The following ASAH2B variants were observed in gnomAD, a reference collection of about 807,000 sequenced individuals.
ASAH2B encodes the protein putative inactive neutral ceramidase B.
ASAH2B carries 1 observed loss-of-function variant against 2.9 expected under a neutral mutation model. The ratio of observed to expected loss-of-function variants is 0.34; its 90% CI spans 0.12 to 1.63. The LOEUF (loss-of-function observed/expected upper bound fraction) is 1.63. Ranked by LOEUF, ASAH2B falls within the 40% of genes most tolerant of loss-of-function variation. The pLI is 0.36. For missense variants in ASAH2B, 9 were observed against 37.7 expected (o/e 0.24, Z 1.99); for synonymous variants, 4 against 13.3 (o/e 0.30, Z 1.52).
chr10:50,754,128 TATATATATATATAC>T (rs1414324564), intron 5 of ASAH2B, among the ~76,000 whole-genome samples: 1 of 146,668 alleles, frequency 6.8e-6, no homozygotes, highest in African/African-American at 2.5e-5. Flanking sequence ...ATTCATTTTC[TATATATATATATAC>T]ATATATATAT....
At chr10:50,740,162 C>T (rs966951746) in intron 1 of ASAH2B, among the ~76,000 whole-genome samples, 179 bp downstream of exon 1, 1 of 151,926 alleles carries the variant, frequency 6.6e-6, no homozygotes, top group Non-Finnish European at 1.5e-5. Context: ...GGAGAGGGAA[C>T]GGGGTGAATC....
At chr10:50,751,689 TGAC>T (rs1839981914) in intron 4 of ASAH2B, among the ~76,000 whole-genome samples, 1 of 150,976 alleles carries the variant, frequency 6.6e-6, no homozygotes, top group African/African-American at 2.4e-5. Context: ...CACCAGTAAA[TGAC>T]AGATGTAAAG....
At chr10:50,743,154 T>C (rs1452280457) in intron 2 of ASAH2B, 144 bp downstream of exon 2, 21 of 838,574 alleles carry the variant, frequency 2.5e-5, no homozygotes, top group Non-Finnish European at 3.8e-5. Context: ...TTACAAAATT[T>C]ATAGTTTTGT....
At chr10:50,744,714 A>T (rs1323922791) in intron 2 of ASAH2B, 1 of 152,662 alleles carries the variant, frequency 6.6e-6, no homozygotes, top group Non-Finnish European at 1.5e-5. Flanking sequence ...TCTAGGAAAA[A>T]ACTTGGTACT....
In ASAH2B at chr10:50,746,859, T is replaced by C. The variant is rs191490916; in HGVS notation, c.144+1585T>C. 1.6e-3 allele frequency among the ~76,000 whole-genome samples: 244 copies of C among 151,590 alleles called. 1 individual carries two copies. The highest frequency in any genetic ancestry group is 2.5e-3 in the Non-Finnish European group (173 of 67,910). On this transcript the variant is annotated intron_variant, in intron 3 of 5. Coordinates refer to ENST00000647317, the MANE Select transcript of ASAH2B (RefSeq NM_001321958.2). Reference sequence around the variant, plus strand: ...TTTTCAAATTGGGTTATTTGTTTTCTTGCTATAGAGTTGTTTGAGTACCTT... The same window carrying C: ...TTTTCAAATTGGGTTATTTGTTTTCCTGCTATAGAGTTGTTTGAGTACCTT...
chr10:50,749,733 AAC>A (rs1416932035), intron 4 of ASAH2B, among the ~76,000 whole-genome samples: 10 of 152,076 alleles, frequency 6.6e-5, no homozygotes, highest in Non-Finnish European at 1.2e-4. Flanking sequence ...GTCAAAGATG[AAC>A]TGCATTTATG....
Position 50,753,121 on chromosome 10 carries a change from C to T in ASAH2B, c.293+565C>T, listed in dbSNP as rs1272868366. 2.0e-4 allele frequency among the ~76,000 whole-genome samples: 30 copies of T among 148,778 alleles called. No individual in the cohort carries two copies. In the East Asian group the frequency reaches 4.7e-3, roughly 23 times the overall value. On this transcript the variant is annotated intron_variant, in intron 5 of 5. Coordinates refer to ENST00000647317, the MANE Select transcript of ASAH2B (RefSeq NM_001321958.2). Reference sequence around the variant, plus strand: ...TGCCTTTTGCTACCAAATTCCTGAGCTGAATAGATATTTTGAAGATTTGAT... The same window carrying T: ...TGCCTTTTGCTACCAAATTCCTGAGTTGAATAGATATTTTGAAGATTTGAT...
Position 50,758,734 on chromosome 10 carries a change from A to G in ASAH2B, c.*3994A>G, listed in dbSNP as rs1175531305. The G allele has an allele frequency of 2.0e-5, 3 of 152,128 alleles. No homozygotes were observed. Among genetic ancestry groups the G allele is most frequent in the Non-Finnish European group, 4.4e-5 (3 of 67,972 alleles). 9.4% of individuals were successfully genotyped at this position (152,128 alleles called of 1,614,324 possible). A position where few individuals can be genotyped will look rare whatever the true frequency, so the allele number is the denominator to read the frequency against. On this transcript the variant is annotated 3_prime_UTR_variant, in exon 6 of 6. Transcript: ENST00000647317. The stretch of plus-strand genomic sequence containing the variant: ...ACCTATATACTTTATGGCAGAAATT[A>G]TGCTAAATCCTAAGAATGAAACAAT...
intron 2 of ASAH2B, chr10:50,743,628 T>C (rs1169491620): frequency 6.5e-6 from 1 of 152,984 alleles, no homozygotes; most frequent in Non-Finnish European, 1.4e-5. Flanking sequence ...AAACATTGCA[T>C]CTACCTAAAA....
At chr10:50,747,249 C>T (rs978318047) in intron 3 of ASAH2B, among the ~76,000 whole-genome samples, 1 of 151,292 alleles carries the variant, frequency 6.6e-6, no homozygotes, top group Non-Finnish European at 1.5e-5. Context: ...ACTGTCACTT[C>T]CCCATTGTGT....
At position 50,757,777 on chromosome 10, in the gene ASAH2B, A is replaced by G. The variant is rs1343845014; in HGVS notation, c.*3037A>G. 5.3e-5 allele frequency: 8 copies of G among 151,374 alleles called. No individual in the cohort carries two copies. The highest frequency in any genetic ancestry group is 2.1e-4 in the South Asian group (1 of 4,806). The allele number at this position is 151,374 out of a possible 1,614,324, so 9.4% of individuals were successfully genotyped here. ...GGGAAATTTGCACATTCCTTATGCA[A>G]TTTGTTAGTATGCATTCAGCTGTAA... On this transcript the variant is annotated 3_prime_UTR_variant, in exon 6 of 6. Coordinates refer to ENST00000647317, the MANE Select transcript of ASAH2B (RefSeq NM_001321958.2).
chr10:50,743,409 A>C (rs1444697378), intron 2 of ASAH2B, among the ~76,000 whole-genome samples: 1 of 150,028 alleles, frequency 6.7e-6, no homozygotes, highest in East Asian at 2.0e-4. Flanking sequence ...CTCCCCACTC[A>C]CTCCAAAAGT....
At chr10:50,741,829 C>T (rs904660314) in intron 1 of ASAH2B, among the ~76,000 whole-genome samples, 9 of 152,032 alleles carry the variant, frequency 5.9e-5, no homozygotes, top group African/African-American at 1.9e-4. Flanking sequence ...CAAGAGAATG[C>T]TTTGATAAAA....
chr10:50,748,587 C>A, intron 3 of ASAH2B, among the ~76,000 whole-genome samples: 1 of 151,316 alleles, frequency 6.6e-6, no homozygotes, highest in East Asian at 1.9e-4. Context: ...CCCTTATATG[C>A]ATGCAAACTT....
intron 3 of ASAH2B, among the ~76,000 whole-genome samples, chr10:50,747,205 A>G (rs1839920602): frequency 6.6e-6 from 1 of 150,794 alleles, no homozygotes; most frequent in African/African-American, 2.5e-5. Flanking sequence ...CTGCATGTGG[A>G]TATCCAGTTT....
intron 5 of ASAH2B, among the ~76,000 whole-genome samples, chr10:50,754,207 T>G (rs1837033837): frequency 6.6e-6 from 1 of 150,394 alleles, no homozygotes; most frequent in African/African-American, 2.5e-5. Flanking sequence ...GATGTGAAAA[T>G]AAGTGTCAGA....
chr10:50,741,673 A>G (rs1184538272), intron 1 of ASAH2B, among the ~76,000 whole-genome samples: 1 of 152,144 alleles, frequency 6.6e-6, no homozygotes, highest in Non-Finnish European at 1.5e-5. Flanking sequence ...GTTGAGTAGC[A>G]TGGAGTAAGT....
intron 1 of ASAH2B, among the ~76,000 whole-genome samples, chr10:50,741,357 G>T (rs1384801151): frequency 1.3e-5 from 2 of 152,196 alleles, no homozygotes; most frequent in Non-Finnish European, 2.9e-5. Context: ...GGGGCATAAT[G>T]ATGAAAAGAA....
intron 3 of ASAH2B, among the ~76,000 whole-genome samples, chr10:50,745,667 G>C (rs1839895072): frequency 6.7e-6 from 1 of 149,618 alleles, no homozygotes; most frequent in Non-Finnish European, 1.5e-5. Flanking sequence ...TTTCTGGGGG[G>C]AGGAGGGATG....
Sources: gnomAD v4.1 joint callset for allele counts (sites outside exome capture counted in the v4.1 genomes callset) on GRCh38, gnomAD v4.1.1 for gene constraint, MANE v1.5 for transcripts, NCBI Gene and HGNC (gene_info 2026-07-23, HGNC 2026-07-21) for gene names.